Variants in DCHS2 observed in about 807,000 individuals in gnomAD.
DCHS2 encodes dachsous cadherin-related 2, also known as protocadherin-23.
A neutral mutation model predicts 182.4 loss-of-function variants in DCHS2; 142 were observed. That is an observed-to-expected ratio of 0.78 (90% CI 0.68 to 0.89). The LOEUF (loss-of-function observed/expected upper bound fraction) is 0.89, where lower values mean the gene tolerates loss of function less well. Ranked by LOEUF, DCHS2 falls within the 40% of genes least tolerant of loss-of-function variation. DCHS2 has a pLI of 0.00. For missense variants in DCHS2, 4,319 were observed against 4,198.6 expected (o/e 1.03, Z -0.79); for synonymous variants, 1,740 against 1,663.3 (o/e 1.05, Z -1.12).
intron 19 of DCHS2, 141 bp downstream of exon 19, chr4:154,239,029 A>T (rs1731669844): frequency 7.2e-6 from 8 of 1,116,340 alleles, no homozygotes; most frequent in Non-Finnish European, 9.7e-6. Context: ...TCATGTGAAG[A>T]GTAATGAAAC....
In DCHS2 at chr4:154,304,841, G is replaced by A. The variant is rs762285832; in HGVS notation, c.5433C>T (p.Ser1811=). 1 of 1,613,418 alleles carries A rather than the reference G, an allele frequency of 6.2e-7. No homozygotes were observed. Among genetic ancestry groups the A allele is most frequent in the Non-Finnish European group, 8.5e-7 (1 of 1,179,716 alleles). The change falls in exon 12 of 20, where the codon AGC becomes AGT. Residue 1811 remains serine (S), a synonymous_variant. Transcript: ENST00000357232. The part of the protein sequence containing the change: ...VRDGGFPSLS[S]TTTILCTVED... ...CAACAGTGCAGAGGATTGTTGTGGTGCTGGACAATGAAGGGAATCCCCCAT... is the reference window on the plus strand; with the variant it reads ...CAACAGTGCAGAGGATTGTTGTGGTACTGGACAATGAAGGGAATCCCCCAT...
intron 3 of DCHS2, chr4:154,343,499 A>T: frequency 6.7e-7 from 1 of 1,486,090 alleles, no homozygotes; most frequent in Non-Finnish European, 9.0e-7. Flanking sequence ...GATTTGCTAC[A>T]TACCTTGCTG....
chr4:154,366,242 A>G lies in DCHS2; in HGVS notation c.2444T>C (p.Val815Ala). The change falls in exon 3 of 20, where the codon GTG becomes GCG. Residue 815 changes from valine (V) to alanine (A), a missense_variant. Val to Ala is a moderately conservative substitution (Grantham distance 64). Transcript: ENST00000357232. Reference protein sequence around the residue: ...TVAYELIPGNVSSLFTIDSTT... With the variant: ...TVAYELIPGNASSLFTIDSTT... ...GGAGTCAATGGTAAAAAGGGACGAC[A>G]CGTTTCCTGGAATAAGCTCATAAGC... The G allele has an allele frequency of 6.2e-7, 1 of 1,613,856 alleles. No individual in the cohort carries two copies. The highest frequency in any genetic ancestry group is 8.5e-7 in the Non-Finnish European group (1 of 1,179,932).
chr4:154,274,321 C>G (rs562576962), intron 13 of DCHS2, among the ~76,000 whole-genome samples: 1 of 152,280 alleles, frequency 6.6e-6, no homozygotes, highest in South Asian at 2.1e-4. Context: ...TGTGGTCTGA[C>G]TCCAATTCTG....
chr4:154,270,146 TCTTCAA>T, intron 13 of DCHS2, 133 bp from the exon 14 acceptor site: 2 of 1,167,174 alleles, frequency 1.7e-6, no homozygotes, highest in Non-Finnish European at 2.3e-6. Context: ...TAACTTATTG[TCTTCAA>T]TGAGCCAGAT....
intron 1 of DCHS2, among the ~76,000 whole-genome samples, chr4:154,462,574 G>T (rs993306486): frequency 6.6e-6 from 1 of 152,104 alleles, no homozygotes; most frequent in Admixed American, 6.6e-5. Flanking sequence ...CCCATACAAG[G>T]TCTTACAGCT....
intron 1 of DCHS2, among the ~76,000 whole-genome samples, chr4:154,471,179 A>T (rs1735450216): frequency 1.3e-5 from 2 of 152,218 alleles, no homozygotes; most frequent in South Asian, 4.1e-4. Context: ...AAAATCACAC[A>T]TTAAAAATGT....
chr4:154,415,162 A>C (rs1226297038), intron 1 of DCHS2, among the ~76,000 whole-genome samples: 1 of 152,226 alleles, frequency 6.6e-6, no homozygotes, highest in African/African-American at 2.4e-5. Flanking sequence ...TTGCAAATTA[A>C]TAGATGAGGG....
chr4:154,403,417 A>T, intron 1 of DCHS2, among the ~76,000 whole-genome samples: 1 of 151,922 alleles, frequency 6.6e-6, no homozygotes, highest in East Asian at 1.9e-4. Context: ...GATTATATAA[A>T]TTTTTCTCTT....
At chr4:154,285,895 G>T (rs77784544) in intron 13 of DCHS2, among the ~76,000 whole-genome samples, 1 of 152,162 alleles carries the variant, frequency 6.6e-6, no homozygotes, top group African/African-American at 2.4e-5. Context: ...GCAAGGCAGT[G>T]GTTACTATAG....
intron 13 of DCHS2, among the ~76,000 whole-genome samples, chr4:154,282,411 G>T (rs1188910791): frequency 6.6e-6 from 1 of 151,548 alleles, no homozygotes; most frequent in Non-Finnish European, 1.5e-5. Flanking sequence ...TATCCAAACG[G>T]TCAATATCAT....
intron 13 of DCHS2, among the ~76,000 whole-genome samples, chr4:154,282,503 T>TA (rs564351515): frequency 0.029 from 4,329 of 149,012 alleles, 159 homozygotes; most frequent in African/African-American, 0.089. Flanking sequence ...TATCAAAAAT[T>TA]AAAAAAAAAA....
chr4:154,334,841 C>T (rs770369501), intron 4 of DCHS2, 27 bp downstream of exon 4: 2 of 1,522,896 alleles, frequency 1.3e-6, no homozygotes, highest in Non-Finnish European at 1.8e-6. Context: ...AATGGAATTC[C>T]ATGCAGCATA....
chr4:154,474,459 C>T lies in DCHS2; in HGVS notation c.2052+14845G>A, dbSNP rs1317459167. ...CTTCCTCAGGGGCAGCCCCCTGACT[C>T]AACTGAGCACAGATCTGAAGGGCAC... On this transcript the variant is annotated intron_variant, in intron 1 of 19. Transcript: ENST00000357232. 2.0e-5 allele frequency among the ~76,000 whole-genome samples: 3 copies of T among 152,300 alleles called. No individual in the cohort carries two copies. The East Asian group carries it at 5.8e-4, about 29-fold the overall frequency.
Position 154,329,685 on chromosome 4 carries a change from C to G in DCHS2, c.3756G>C (p.Leu1252=). The change falls in exon 6 of 20, where the codon CTG becomes CTC. Residue 1252 remains leucine (L), a synonymous_variant. Transcript: ENST00000357232. ...NTGELINWVA[L]DREHRGHHEM... ...CATGGTGCCCCCGGTGCTCACGATC[C>G]AGTGCCACCCAATTGATTAACTCTC... 6.2e-7 allele frequency: 1 copy of G among 1,612,004 alleles called. No individual in the cohort carries two copies. The highest frequency in any genetic ancestry group is 8.5e-7 in the Non-Finnish European group (1 of 1,179,800).
At chr4:154,483,697 G>A (rs1736007292) in intron 1 of DCHS2, among the ~76,000 whole-genome samples, 2 of 152,188 alleles carry the variant, frequency 1.3e-5, no homozygotes, top group Non-Finnish European at 2.9e-5. Context: ...GCTATGCTGA[G>A]GAGCTCAGAA....
At chr4:154,379,933 A>C (rs1731092758) in intron 1 of DCHS2, among the ~76,000 whole-genome samples, 4 of 152,132 alleles carry the variant, frequency 2.6e-5, no homozygotes, top group Non-Finnish European at 5.9e-5. Context: ...GAAGACATTT[A>C]GTATGTCTAG....
intron 1 of DCHS2, among the ~76,000 whole-genome samples, chr4:154,412,640 C>T (rs970904791): frequency 2.6e-5 from 4 of 152,100 alleles, no homozygotes; most frequent in African/African-American, 9.7e-5. Flanking sequence ...TCAAACATAG[C>T]TTTATAGGAC....
chr4:154,463,942 A>T (rs1218736072), intron 1 of DCHS2, among the ~76,000 whole-genome samples: 1 of 152,240 alleles, frequency 6.6e-6, no homozygotes, highest in Non-Finnish European at 1.5e-5. Context: ...TTTGCAGAGA[A>T]TAGCAAATAT....
Sources: allele counts gnomAD v4.1 joint callset (sites outside exome capture counted in the v4.1 genomes callset), GRCh38; gene constraint gnomAD v4.1.1; transcripts MANE v1.5; gene names NCBI Gene and HGNC (gene_info 2026-07-23, HGNC 2026-07-21).